Variants in NRXN3 observed in about 807,000 individuals in gnomAD.
NRXN3 encodes neurexin 3, also known as neurexin III.
NRXN3 carries 32 observed loss-of-function variants against 137.6 expected under a neutral mutation model. That is an observed-to-expected ratio of 0.23 (90% CI 0.18 to 0.31). The LOEUF is 0.31. Among genes scored for constraint, NRXN3 ranks in the 10% least tolerant of loss-of-function variants. NRXN3 has a pLI of 1.00. For synonymous variants in NRXN3, 798 were observed against 784.5 expected (o/e 1.02, Z -0.29); for missense variants, 1,574 against 2,062.5 (o/e 0.76, Z 4.59).
At chr14:79,577,743 T>C (rs35919189) in intron 16 of NRXN3, among the ~76,000 whole-genome samples, 6,602 of 152,276 alleles carry the variant, frequency 0.043, 215 homozygotes, top group Non-Finnish European at 0.066. Flanking sequence ...TACATGTGTA[T>C]TGAGTAATAA....
At chr14:79,144,281 C>G (rs976118052) in intron 15 of NRXN3, among the ~76,000 whole-genome samples, 5 of 152,152 alleles carry the variant, frequency 3.3e-5, no homozygotes, top group Non-Finnish European at 1.5e-5. Flanking sequence ...CATTTAAGTT[C>G]CTAGCTCCCA....
At chr14:78,246,174 A>C (rs1171231075) in intron 2 of NRXN3, among the ~76,000 whole-genome samples, 1 of 152,072 alleles carries the variant, frequency 6.6e-6, no homozygotes, top group Non-Finnish European at 1.5e-5. Flanking sequence ...TTTAAAAAGA[A>C]CTCATTTCCT....
chr14:79,859,308 C>G (rs1440008905), intron 20 of NRXN3, among the ~76,000 whole-genome samples: 1 of 152,080 alleles, frequency 6.6e-6, no homozygotes, highest in Non-Finnish European at 1.5e-5. Flanking sequence ...ATTGGCTAAA[C>G]AGGGAGAGAA....
At chr14:79,071,421 C>A (rs1013203764) in intron 15 of NRXN3, among the ~76,000 whole-genome samples, 6 of 152,122 alleles carry the variant, frequency 3.9e-5, no homozygotes, top group Non-Finnish European at 8.8e-5. Context: ...GTGTGAGGTT[C>A]CCCTCCCTGT....
intron 10 of NRXN3, among the ~76,000 whole-genome samples, chr14:78,903,034 C>T (rs1330037209): frequency 1.3e-5 from 2 of 151,842 alleles, no homozygotes; most frequent in Non-Finnish European, 2.9e-5. Flanking sequence ...TTTCCCTCAA[C>T]TCCTGCTCTC....
At chr14:79,102,216 C>T (rs776274437) in intron 15 of NRXN3, among the ~76,000 whole-genome samples, 2 of 152,190 alleles carry the variant, frequency 1.3e-5, no homozygotes, top group South Asian at 2.1e-4. Flanking sequence ...TAGTTCCTTA[C>T]ATCTTTCTCA....
intron 4 of NRXN3, among the ~76,000 whole-genome samples, chr14:78,461,847 G>C (rs976612914): frequency 6.6e-6 from 1 of 152,178 alleles, no homozygotes; most frequent in African/African-American, 2.4e-5. Context: ...CAGAATAATT[G>C]AAGTGTACCT....
chr14:78,319,412 A>G (rs1346331326), intron 4 of NRXN3, among the ~76,000 whole-genome samples: 2 of 152,172 alleles, frequency 1.3e-5, no homozygotes, highest in African/African-American at 4.8e-5. Context: ...TTCTGTGTCT[A>G]CCAGACTCCT....
intron 4 of NRXN3, among the ~76,000 whole-genome samples, chr14:78,332,385 A>G (rs1297511195): frequency 6.8e-6 from 1 of 147,428 alleles, no homozygotes; most frequent in Non-Finnish European, 1.5e-5. Context: ...GCATGATCTC[A>G]GCTCACTGCA....
intron 19 of NRXN3, among the ~76,000 whole-genome samples, chr14:79,794,724 A>C (rs2099155989): frequency 6.6e-6 from 1 of 152,238 alleles, no homozygotes; most frequent in Non-Finnish European, 1.5e-5. Flanking sequence ...CCTAGAAGAC[A>C]GTACCAACCT....
chr14:78,508,910 A>G (rs1368843151), intron 4 of NRXN3, among the ~76,000 whole-genome samples: 1 of 152,224 alleles, frequency 6.6e-6, no homozygotes, highest in African/African-American at 2.4e-5. Flanking sequence ...AGACTGATTC[A>G]TAGAGCATGA....
chr14:79,020,131 TCCC>T (rs1302556900), intron 15 of NRXN3, among the ~76,000 whole-genome samples: 326 of 10,348 alleles, frequency 0.032, 21 homozygotes, highest in African/African-American at 0.19. Context: ...TCCTTTCCCT[TCCC>T]TTCCCTTCCC....
At chr14:78,373,066 A>G (rs1255654245) in intron 4 of NRXN3, among the ~76,000 whole-genome samples, 1 of 152,222 alleles carries the variant, frequency 6.6e-6, no homozygotes, top group African/African-American at 2.4e-5. Flanking sequence ...AGTATCTAAA[A>G]TTGGTATGCA....
chr14:79,360,151 C>T (rs182451508), intron 15 of NRXN3, among the ~76,000 whole-genome samples: 76 of 151,946 alleles, frequency 5.0e-4, no homozygotes, highest in South Asian at 2.9e-3. Context: ...TAATGTATTA[C>T]GGGAATTGTA....
At chr14:78,245,830 C>T (rs1334327335) in intron 2 of NRXN3, among the ~76,000 whole-genome samples, 2 of 152,108 alleles carry the variant, frequency 1.3e-5, no homozygotes, top group Non-Finnish European at 2.9e-5. Flanking sequence ...TATATATCGT[C>T]CTTATTTGGC....
intron 15 of NRXN3, among the ~76,000 whole-genome samples, chr14:79,008,492 A>G (rs552915584): frequency 1.8e-3 from 274 of 152,322 alleles, no homozygotes; most frequent in Middle Eastern, 0.017. Flanking sequence ...TAAGAGTTAT[A>G]GATTTATTTT....
chr14:78,786,550 G>A (rs913514565), intron 8 of NRXN3, among the ~76,000 whole-genome samples: 12 of 152,100 alleles, frequency 7.9e-5, no homozygotes, highest in African/African-American at 2.7e-4. Flanking sequence ...ACTAAAAAAG[G>A]TACTTTTATT....
chr14:79,274,122 G>T (rs1023372215), intron 15 of NRXN3, among the ~76,000 whole-genome samples: 3 of 146,654 alleles, frequency 2.0e-5, no homozygotes, highest in Non-Finnish European at 4.5e-5. Flanking sequence ...AAAAAAAAGA[G>T]GCTAAGATCT....
chr14:78,456,814 TTTCTTTC>T (rs1324375644), intron 4 of NRXN3, among the ~76,000 whole-genome samples: 3 of 119,150 alleles, frequency 2.5e-5, no homozygotes, highest in Non-Finnish European at 3.8e-5. Context: ...TCTTTCTTTC[TTTCTTTC>T]TTTCTTTCTT....
Sources: allele counts gnomAD v4.1 joint callset (sites outside exome capture counted in the v4.1 genomes callset), GRCh38; gene constraint gnomAD v4.1.1; transcripts MANE v1.5; gene names NCBI Gene and HGNC (gene_info 2026-07-23, HGNC 2026-07-21).